Variants in TACR3 observed in about 807,000 individuals in gnomAD.
TACR3 encodes the protein neuromedin-K receptor.
Under a neutral mutation model 35.0 loss-of-function variants are expected in TACR3, and 34 were observed. The ratio of observed to expected loss-of-function variants is 0.97; its 90% CI spans 0.74 to 1.30. The LOEUF is 1.30. Among genes scored for constraint, TACR3 ranks in the 50% most tolerant of loss-of-function variants. The pLI is 0.00. For synonymous variants in TACR3, 233 were observed against 221.1 expected (o/e 1.05, Z -0.48); for missense variants, 558 against 591.7 (o/e 0.94, Z 0.59).
intron 1 of TACR3, among the ~76,000 whole-genome samples, chr4:103,707,336 G>T (rs1266349616): frequency 6.6e-6 from 1 of 152,118 alleles, no homozygotes; most frequent in East Asian, 1.9e-4. Flanking sequence ...AAGAAATTAA[G>T]ACTGTTTGAC....
intron 3 of TACR3, among the ~76,000 whole-genome samples, chr4:103,649,617 G>T (rs1224137312): frequency 1.3e-5 from 2 of 151,892 alleles, no homozygotes; most frequent in African/African-American, 4.8e-5. Context: ...GATCAATTCT[G>T]CTGTTAAAAG....
At chr4:103,718,303 A>G (rs1182068350) in intron 1 of TACR3, among the ~76,000 whole-genome samples, 5 of 152,216 alleles carry the variant, frequency 3.3e-5, no homozygotes, top group Admixed American at 2.6e-4. Flanking sequence ...GACTGAAATC[A>G]ACTGCTATTG....
chr4:103,712,846 T>C (rs926287894), intron 1 of TACR3, among the ~76,000 whole-genome samples: 7 of 152,194 alleles, frequency 4.6e-5, no homozygotes, highest in African/African-American at 1.4e-4. Context: ...AAAGAAGACA[T>C]TTATGCAGCC....
intron 1 of TACR3, among the ~76,000 whole-genome samples, chr4:103,718,320 A>C (rs1578271842): frequency 6.6e-6 from 1 of 152,330 alleles, no homozygotes; most frequent in African/African-American, 2.4e-5. Context: ...ATTGATTTTC[A>C]CCACAAAGTT....
chr4:103,672,742 T>G (rs1392681952), intron 1 of TACR3, among the ~76,000 whole-genome samples: 1 of 152,158 alleles, frequency 6.6e-6, no homozygotes, highest in Non-Finnish European at 1.5e-5. Context: ...TAACAGAGTC[T>G]GCCTGTCATT....
At chr4:103,717,048 C>G (rs542562653) in intron 1 of TACR3, among the ~76,000 whole-genome samples, 1 of 152,078 alleles carries the variant, frequency 6.6e-6, no homozygotes, top group East Asian at 1.9e-4. Flanking sequence ...TTTCTTTAAC[C>G]TATAAAATGA....
chr4:103,641,129 A>C (rs1725347779), intron 3 of TACR3, among the ~76,000 whole-genome samples: 1 of 151,914 alleles, frequency 6.6e-6, no homozygotes, highest in African/African-American at 2.4e-5. Flanking sequence ...TGTATACCCA[A>C]GGTCCCTCAA....
At position 103,705,263 on chromosome 4, in the gene TACR3, T is replaced by C. The variant is rs1722759896; in HGVS notation, c.548+13865A>G. Among the ~76,000 whole-genome samples, 4 of 152,256 alleles carry C rather than the reference T, an allele frequency of 2.6e-5. No individual in the cohort carries two copies. In the South Asian group the frequency reaches 8.3e-4, roughly 32 times the overall value. Reference sequence around the variant, plus strand: ...ATTGATAATTTTAAACTGTAAAAATTGCAATTTCATAAAAAATATGTGTAA... The same window carrying C: ...ATTGATAATTTTAAACTGTAAAAATCGCAATTTCATAAAAAATATGTGTAA... On this transcript the variant is annotated intron_variant, in intron 1 of 4. Transcript: ENST00000304883.
chr4:103,641,518 G>C (rs1050966804), intron 3 of TACR3, among the ~76,000 whole-genome samples: 32 of 152,038 alleles, frequency 2.1e-4, no homozygotes, highest in Non-Finnish European at 3.7e-4. Flanking sequence ...CTTGTACACT[G>C]TTGTTGGGAA....
At chr4:103,615,645 G>A (rs548473808) in intron 3 of TACR3, among the ~76,000 whole-genome samples, 1 of 152,030 alleles carries the variant, frequency 6.6e-6, no homozygotes, top group Non-Finnish European at 1.5e-5. Flanking sequence ...AAGACTAAAT[G>A]TCTTGTTCTT....
chr4:103,593,236 C>A (rs191021008), intron 3 of TACR3: 2 of 152,232 alleles, frequency 1.3e-5, no homozygotes, highest in East Asian at 3.9e-4. Context: ...GATCTGACCA[C>A]TGTGATTCAT....
At chr4:103,715,235 C>T (rs1723063192) in intron 1 of TACR3, among the ~76,000 whole-genome samples, 1 of 152,128 alleles carries the variant, frequency 6.6e-6, no homozygotes, top group Non-Finnish European at 1.5e-5. Context: ...GGAAGTGGGG[C>T]CTGGAGAGAG....
intron 3 of TACR3, among the ~76,000 whole-genome samples, chr4:103,606,566 T>C (rs1348498447): frequency 1.3e-5 from 2 of 152,198 alleles, no homozygotes; most frequent in African/African-American, 4.8e-5. Flanking sequence ...GATTCCTAGG[T>C]ATTTTATTTT....
intron 3 of TACR3, among the ~76,000 whole-genome samples, chr4:103,631,606 A>G (rs1725068999): frequency 6.6e-6 from 1 of 152,190 alleles, no homozygotes; most frequent in Admixed American, 6.5e-5. Context: ...GATTCAGATT[A>G]TAATCTTTCC....
chr4:103,672,461 T>A (rs1285428616), intron 1 of TACR3, among the ~76,000 whole-genome samples: 1 of 152,170 alleles, frequency 6.6e-6, no homozygotes, highest in Non-Finnish European at 1.5e-5. Context: ...ATCTCATATA[T>A]CTCTATCAGA....
chr4:103,607,257 T>G (rs1252006500), intron 3 of TACR3, among the ~76,000 whole-genome samples: 1 of 152,188 alleles, frequency 6.6e-6, no homozygotes, highest in African/African-American at 2.4e-5. Flanking sequence ...TCATTGCCTA[T>G]GCATTATTCA....
At chr4:103,635,690 G>T (rs1170762231) in intron 3 of TACR3, among the ~76,000 whole-genome samples, 2 of 151,960 alleles carry the variant, frequency 1.3e-5, no homozygotes, top group Non-Finnish European at 2.9e-5. Flanking sequence ...AATCACTTGT[G>T]CACAATGCCT....
intron 1 of TACR3, among the ~76,000 whole-genome samples, chr4:103,712,650 T>A (rs548476290): frequency 4.3e-4 from 66 of 152,262 alleles, no homozygotes; most frequent in African/African-American, 1.4e-3. Flanking sequence ...AAAGAGCTTC[T>A]GCACAGCAAA....
At chr4:103,635,425 C>T (rs1484182414) in intron 3 of TACR3, among the ~76,000 whole-genome samples, 2 of 151,890 alleles carry the variant, frequency 1.3e-5, no homozygotes, top group Admixed American at 6.6e-5. Context: ...CTTAGGTGTG[C>T]ATCTTCCCAC....
Sources: gnomAD v4.1 joint callset for allele counts (sites outside exome capture counted in the v4.1 genomes callset) on GRCh38, gnomAD v4.1.1 for gene constraint, MANE v1.5 for transcripts, NCBI Gene and HGNC (gene_info 2026-07-23, HGNC 2026-07-21) for gene names.